Variants in CACNA1G observed in about 807,000 individuals in gnomAD.
CACNA1G encodes the protein calcium voltage-gated channel subunit alpha1 G, also known as voltage-dependent T-type calcium channel subunit alpha-1G.
In CACNA1G, 67 loss-of-function variants were observed where a neutral mutation model predicts 219.4. That is an observed-to-expected ratio of 0.31 (90% CI 0.25 to 0.37). The LOEUF (loss-of-function observed/expected upper bound fraction) is 0.37. Among genes scored for constraint, CACNA1G ranks in the 10% least tolerant of loss-of-function variants. The pLI, the probability that CACNA1G is intolerant of heterozygous loss-of-function variation, is 1.00. For missense variants in CACNA1G, 2,380 were observed against 3,231.4 expected (o/e 0.74, Z 6.39); for synonymous variants, 1,296 against 1,345.3 (o/e 0.96, Z 0.80).
At position 50,600,944 on chromosome 17, in the gene CACNA1G, G is replaced by A; in HGVS notation, c.3792-107G>A. ...GCACCCTGCCTGGGGTGTGAGCAGG[G>A]TGGCCTCAGCTGGGAGGGCACTGGA... On this transcript the variant is annotated intron_variant, in intron 18 of 37. Transcript: ENST00000359106. This position sits in a 1 kb window ranked among gnomAD's most constrained non-coding sequence, Gnocchi z 4.1. 1 of 1,572,756 alleles carries A rather than the reference G, an allele frequency of 6.4e-7. No homozygotes were observed. The highest frequency in any genetic ancestry group is 2.2e-5 in the East Asian group (1 of 44,472).
chr17:50,596,676 G>T lies in CACNA1G; in HGVS notation c.3064+30G>T, dbSNP rs2045614598. The T allele has an allele frequency of 6.2e-7, 1 of 1,613,518 alleles. No homozygotes were observed. The highest frequency in any genetic ancestry group is 1.3e-5 in the African/African-American group (1 of 74,894). On this transcript the variant is annotated intron_variant, in intron 15 of 37. Transcript: ENST00000359106. This position sits in a 1 kb window ranked among gnomAD's most constrained non-coding sequence, Gnocchi z 4.8. ...GTACCTATCCTGGGGTGCGACTTTT[G>T]GCCCTGGGCCAGCCCTGTGTGGACT... is the stretch of plus-strand genomic sequence containing the variant.
chr17:50,599,648 A>T lies in CACNA1G; in HGVS notation c.3479A>T (p.His1160Leu). 1 of 1,613,118 alleles carries T rather than the reference A, an allele frequency of 6.2e-7. No individual in the cohort carries two copies. Among genetic ancestry groups the T allele is most frequent in the Non-Finnish European group, 8.5e-7 (1 of 1,179,546 alleles). Residue 1160 changes from histidine to leucine, a missense_variant, in exon 17 of 38, where the codon CAC becomes CTC. Around this residue, in one of 17 missense-constraint regions of CACNA1G, gnomAD observed 418 missense variants for 434.3 expected, o/e 0.96. Coordinates refer to ENST00000359106, the MANE Select transcript of CACNA1G (RefSeq NM_018896.5). ...AGCCCTGCGGGCAGTGACCATCGCC[A>T]CAGGGGGTCCCTGGAGCGGGAGGCC... is the stretch of plus-strand genomic sequence containing the variant. ...RASPAGSDHR[H>L]RGSLEREAKS...
chr17:50,565,390 G>C (rs867961574), intron 1 of CACNA1G, among the ~76,000 whole-genome samples: 7 of 143,000 alleles, frequency 4.9e-5, no homozygotes, highest in East Asian at 2.7e-4. Context: ...GGTGGGGCGG[G>C]GGGTTCTGCT....
At chr17:50,577,278 C>T (rs1177212800) in intron 8 of CACNA1G, among the ~76,000 whole-genome samples, 1 of 152,026 alleles carries the variant, frequency 6.6e-6, no homozygotes, top group Non-Finnish European at 1.5e-5. Flanking sequence ...CAGATGCAGT[C>T]AAGGGAGAAA....
Position 50,603,013 on chromosome 17 carries a change from A to G in CACNA1G, c.3985-2A>G. On this transcript the variant is annotated splice_acceptor_variant, in intron 20 of 37. Transcript: ENST00000359106. LOFTEE classifies it high-confidence loss of function. This position sits in a 1 kb window ranked among gnomAD's most constrained non-coding sequence, Gnocchi z 6.4. The stretch of plus-strand genomic sequence containing the variant: ...GGCCGATGACGTGGCGGTGGTCCCC[A>G]GGTGGTGGCACTGGGCTGGTGCTTC... The G allele has an allele frequency of 6.2e-7, 1 of 1,610,690 alleles. No homozygotes were observed. The highest frequency in any genetic ancestry group is 8.5e-7 in the Non-Finnish European group (1 of 1,177,754).
intron 7 of CACNA1G, among the ~76,000 whole-genome samples, chr17:50,575,255 C>T (rs938610604): frequency 5.3e-5 from 8 of 152,092 alleles, no homozygotes; most frequent in African/African-American, 1.9e-4. Flanking sequence ...TGTTCAATAG[C>T]AATATCTTGG....
intron 23 of CACNA1G, 125 bp downstream of exon 23, chr17:50,606,148 C>A: frequency 7.6e-7 from 1 of 1,317,438 alleles, no homozygotes; most frequent in Non-Finnish European, 1.1e-6. Context: ...CCTTCACACC[C>A]TCTGCTGTCT....
intron 13 of CACNA1G, among the ~76,000 whole-genome samples, 189 bp downstream of exon 13, chr17:50,592,281 T>C (rs2044486276): frequency 6.6e-6 from 1 of 152,082 alleles, no homozygotes; most frequent in Admixed American, 6.5e-5. Context: ...CCTCATCACA[T>C]GGGACACAGG....
chr17:50,565,537 C>G (rs1051401859), intron 1 of CACNA1G, among the ~76,000 whole-genome samples: 5 of 152,162 alleles, frequency 3.3e-5, no homozygotes, highest in Non-Finnish European at 5.9e-5. Context: ...CCTACCTCCT[C>G]ATTTACTAGA....
In CACNA1G at chr17:50,578,027, C is replaced by T. The variant is rs184428284; in HGVS notation, c.1925-161C>T. 3.7e-4 allele frequency among the ~76,000 whole-genome samples: 56 copies of T among 152,280 alleles called. 1 individual carries two copies. The East Asian group carries it at 9.1e-3, about 25-fold the overall frequency. On this transcript the variant is annotated intron_variant, in intron 8 of 37. Transcript: ENST00000359106. This position sits in a 1 kb window ranked among gnomAD's most constrained non-coding sequence, Gnocchi z 4.5. ...TAGGGCATCTTGTGGGTCAAGACTG[C>T]CCACCTTGCCTGACATTCAGCACCC...
Position 50,561,140 on chromosome 17 carries a change from G to T in CACNA1G, c.-320G>T. The T allele has an allele frequency of 3.9e-6, 2 of 515,864 alleles. No individual in the cohort carries two copies. The highest frequency in any genetic ancestry group is 1.7e-5 in the South Asian group (1 of 60,198). 32.0% of individuals were successfully genotyped at this position (515,864 alleles called of 1,614,324 possible). ...TTCGCCGAAGGTAGCGCCGAATCCG[G>T]CAACCGGAGCCTGGGCGCGAAGCGA... On this transcript the variant is annotated 5_prime_UTR_variant, in exon 1 of 38. Transcript: ENST00000359106.
chr17:50,580,013 G>A (rs1030310346), intron 9 of CACNA1G, among the ~76,000 whole-genome samples: 3 of 152,176 alleles, frequency 2.0e-5, no homozygotes, highest in South Asian at 4.2e-4. Flanking sequence ...AAGACTGCTC[G>A]ACCTGGCCAG....
In CACNA1G at chr17:50,626,303, T is replaced by G; in HGVS notation, c.6686T>G (p.Leu2229Arg). 1 of 1,613,436 alleles carries G rather than the reference T, an allele frequency of 6.2e-7. No individual in the cohort carries two copies. The highest frequency in any genetic ancestry group is 1.1e-5 in the South Asian group (1 of 91,084). The change falls in exon 38 of 38, where the codon CTG (leucine) becomes CGG (arginine). Residue 2229 changes from leucine to arginine, a missense_variant. Leu to Arg is a moderately radical substitution (Grantham distance 102). Around this residue, in one of 17 missense-constraint regions of CACNA1G, gnomAD observed 672 missense variants for 670.5 expected, o/e 1.00. Coordinates refer to ENST00000359106, the MANE Select transcript of CACNA1G (RefSeq NM_018896.5). The surrounding 1 kb of genome is among the most constrained non-coding windows in gnomAD (Gnocchi z 4.3). Reference sequence around the variant, plus strand: ...CTGAGCTGGATTTCAGGAGACCTCCTGCCCCCTGGCGGCCAGGAGGAGCCC... The same window carrying G: ...CTGAGCTGGATTTCAGGAGACCTCCGGCCCCCTGGCGGCCAGGAGGAGCCC... ...TELSWISGDL[L>R]PPGGQEEPPS...
At chr17:50,619,880 C>T (rs747471412) in intron 34 of CACNA1G, 54 bp downstream of exon 34, 51 of 1,510,258 alleles carry the variant, frequency 3.4e-5, no homozygotes, top group Admixed American at 2.0e-4. Context: ...GGCTGTGCCA[C>T]GCTGTGCCAT....
Position 50,600,973 on chromosome 17 carries a change from G to T in CACNA1G, c.3792-78G>T. The T allele has an allele frequency of 1.3e-6, 2 of 1,592,286 alleles. No homozygotes were observed. The highest frequency in any genetic ancestry group is 8.6e-7 in the Non-Finnish European group (1 of 1,166,428). ...CCTCAGCTGGGAGGGCACTGGAGGG[G>T]CAGGGGCTGCGGGCGGTGCCTCTCG... On this transcript the variant is annotated intron_variant, in intron 18 of 37. Coordinates refer to ENST00000359106, the MANE Select transcript of CACNA1G (RefSeq NM_018896.5). This position sits in a 1 kb window ranked among gnomAD's most constrained non-coding sequence, Gnocchi z 4.1.
intron 26 of CACNA1G, among the ~76,000 whole-genome samples, chr17:50,610,229 T>G (rs2048926745): frequency 6.6e-6 from 1 of 152,216 alleles, no homozygotes; most frequent in Non-Finnish European, 1.5e-5. Flanking sequence ...CTCCTGTGCC[T>G]CCTCCTTGTA....
In CACNA1G at chr17:50,626,866, T is replaced by G; in HGVS notation, c.*115T>G. On this transcript the variant is annotated 3_prime_UTR_variant, in exon 38 of 38. Coordinates refer to ENST00000359106, the MANE Select transcript of CACNA1G (RefSeq NM_018896.5). This position sits in a 1 kb window ranked among gnomAD's most constrained non-coding sequence, Gnocchi z 4.3. Reference sequence around the variant, plus strand: ...ATAGACACCAAGGAGGCGGAGGCGCTCCTCCCTGCCTCAGTGGCTCTGGGT... The same window carrying G: ...ATAGACACCAAGGAGGCGGAGGCGCGCCTCCCTGCCTCAGTGGCTCTGGGT... 7.5e-7 allele frequency: 1 copy of G among 1,340,090 alleles called. No homozygotes were observed. Among genetic ancestry groups the G allele is most frequent in the Non-Finnish European group, 1.1e-6 (1 of 934,804 alleles). 83.0% of individuals were successfully genotyped at this position (1,340,090 alleles called of 1,614,324 possible).
chr17:50,579,970 A>G (rs2041581183), intron 9 of CACNA1G, among the ~76,000 whole-genome samples: 1 of 152,066 alleles, frequency 6.6e-6, no homozygotes, highest in Non-Finnish European at 1.5e-5. Flanking sequence ...TGACCTCTGC[A>G]CCTGCAATAT....
In CACNA1G at chr17:50,621,395, C is replaced by A. The variant is rs1006743708; in HGVS notation, c.5926-265C>A. On this transcript the variant is annotated intron_variant, in intron 34 of 37. Coordinates refer to ENST00000359106, the MANE Select transcript of CACNA1G (RefSeq NM_018896.5). The surrounding 1 kb of genome is among the most constrained non-coding windows in gnomAD (Gnocchi z 4.6). ...GTATCTTTAGAATGCGTTTCTGTGT[C>A]TCCTCGCTTTGTCAGTGTTTGCTCT... Among the ~76,000 whole-genome samples the A allele has an allele frequency of 6.6e-6, 1 of 151,984 alleles. No homozygotes were observed. Among genetic ancestry groups the A allele is most frequent in the Non-Finnish European group, 1.5e-5 (1 of 68,010 alleles).
Sources: gnomAD v4.1 joint callset for allele counts (sites outside exome capture counted in the v4.1 genomes callset) on GRCh38, gnomAD v4.1.1 for gene constraint, gnomAD v4.1.1 regional missense constraint, Gnocchi (gnomAD v3.1) non-coding constraint, MANE v1.5 for transcripts, NCBI Gene and HGNC (gene_info 2026-07-23, HGNC 2026-07-21) for gene names.